Variants in YEATS2 observed in about 807,000 individuals in gnomAD.
YEATS2 encodes the protein YEATS domain-containing protein 2.
YEATS2 carries 77 observed loss-of-function variants against 163.2 expected under a neutral mutation model. The observed-to-expected ratio is 0.47, with a 90% confidence interval of 0.39 to 0.57. The LOEUF (loss-of-function observed/expected upper bound fraction) is 0.57, where lower values mean the gene tolerates loss of function less well. Among genes scored for constraint, YEATS2 ranks in the 20% least tolerant of loss-of-function variants. YEATS2 has a pLI of 0.00. For synonymous variants in YEATS2, 631 were observed against 645.1 expected (o/e 0.98, Z 0.33); for missense variants, 1,549 against 1,729.8 (o/e 0.90, Z 1.85).
intron 15 of YEATS2, among the ~76,000 whole-genome samples, chr3:183,770,930 T>C (rs1279009901): frequency 6.6e-6 from 1 of 152,282 alleles, no homozygotes; most frequent in Non-Finnish European, 1.5e-5. Flanking sequence ...AGAATGTTGT[T>C]GCATGCTGCA....
At chr3:183,779,534 C>T (rs1560306157) in intron 19 of YEATS2, among the ~76,000 whole-genome samples, 1 of 152,084 alleles carries the variant, frequency 6.6e-6, no homozygotes, top group Non-Finnish European at 1.5e-5. Flanking sequence ...TTTCAGCCCT[C>T]CAATATGTTT....
chr3:183,741,365 A>G (rs1341132721), intron 8 of YEATS2, among the ~76,000 whole-genome samples: 1 of 152,156 alleles, frequency 6.6e-6, no homozygotes, highest in Non-Finnish European at 1.5e-5. Context: ...CTGGGTGACA[A>G]CACATCTGTT....
intron 1 of YEATS2, among the ~76,000 whole-genome samples, chr3:183,707,631 G>A (rs1714745610): frequency 6.7e-6 from 1 of 150,342 alleles, no homozygotes; most frequent in Non-Finnish European, 1.5e-5. Flanking sequence ...ATGCCTGTCT[G>A]TATGGAAGCA....
chr3:183,742,456 G>A (rs959951519), intron 8 of YEATS2, among the ~76,000 whole-genome samples: 1 of 152,124 alleles, frequency 6.6e-6, no homozygotes, highest in African/African-American at 2.4e-5. Context: ...AGACTTCAGC[G>A]GAGGAATTAG....
intron 8 of YEATS2, among the ~76,000 whole-genome samples, chr3:183,737,659 T>C (rs1718487218): frequency 1.3e-5 from 2 of 152,242 alleles, no homozygotes; most frequent in Admixed American, 1.3e-4. Flanking sequence ...AATGATAAAG[T>C]ACTATACAAG....
At chr3:183,700,682 A>G (rs1192647772) in intron 1 of YEATS2, among the ~76,000 whole-genome samples, 11 of 125,478 alleles carry the variant, frequency 8.8e-5, no homozygotes, top group African/African-American at 3.1e-4. Flanking sequence ...GAGGCAGGGG[A>G]ATTGCTTGAA....
intron 23 of YEATS2, among the ~76,000 whole-genome samples, chr3:183,799,293 C>T (rs1032297929): frequency 6.6e-6 from 1 of 152,234 alleles, no homozygotes; most frequent in Non-Finnish European, 1.5e-5. Context: ...AGACATTTGG[C>T]CAGGGAAATG....
chr3:183,717,392 C>T (rs1245419993), intron 2 of YEATS2, among the ~76,000 whole-genome samples: 2 of 152,088 alleles, frequency 1.3e-5, no homozygotes, highest in Admixed American at 1.3e-4. Flanking sequence ...TCTAATCTTT[C>T]CTTGTGAGTA....
At chr3:183,717,102 AG>A (rs1715974872) in intron 2 of YEATS2, among the ~76,000 whole-genome samples, 1 of 152,024 alleles carries the variant, frequency 6.6e-6, no homozygotes, top group Non-Finnish European at 1.5e-5. Context: ...CATGTTGTCC[AG>A]GCTGGTCTCA....
At chr3:183,785,094 CTTTA>C (rs1174190157) in intron 19 of YEATS2, among the ~76,000 whole-genome samples, 6 of 151,710 alleles carry the variant, frequency 4.0e-5, no homozygotes, top group Non-Finnish European at 5.9e-5. Context: ...TTTGTTGAGC[CTTTA>C]TTTAGACTAC....
intron 7 of YEATS2, 60 bp from the exon 8 acceptor site, chr3:183,736,658 T>C (rs1223388563): frequency 2.3e-6 from 3 of 1,289,146 alleles, no homozygotes; most frequent in African/African-American, 1.5e-5. Flanking sequence ...CAGGAAACTT[T>C]TCCTGTGTAG....
At chr3:183,699,573 T>A (rs1713849512) in intron 1 of YEATS2, among the ~76,000 whole-genome samples, 1 of 150,268 alleles carries the variant, frequency 6.7e-6, no homozygotes, top group African/African-American at 2.5e-5. Context: ...TTGGGAGTGA[T>A]CTGTACGTAG....
rs898489431 is a variant in YEATS2, at chr3:183,709,802, G to A, written c.-19-5342G>A. On this transcript the variant is annotated intron_variant, in intron 1 of 30. Coordinates refer to ENST00000305135, the MANE Select transcript of YEATS2 (RefSeq NM_018023.5). ...ACGCCATTCTCCTGCCTTAGCCTCC[G>A]GAGTAGCTAGGACTACAGGTGCCCG... Among the ~76,000 whole-genome samples the A allele has an allele frequency of 4.0e-5, 6 of 150,576 alleles. No homozygotes were observed. In the Admixed American group the frequency reaches 4.0e-4, roughly 10 times the overall value.
chr3:183,807,737 T>A (rs1305117606), intron 28 of YEATS2: 5 of 317,512 alleles, frequency 1.6e-5, no homozygotes, highest in Non-Finnish European at 2.9e-5. Context: ...AAGTGTTGAT[T>A]GCGTATCAGA....
intron 8 of YEATS2, among the ~76,000 whole-genome samples, chr3:183,745,725 C>G (rs1010504185): frequency 6.6e-6 from 1 of 152,218 alleles, no homozygotes. Flanking sequence ...CATTTACTCT[C>G]TCCTTACCCA....
rs528321737 is a variant in YEATS2 at position 183,787,331 on chromosome 3, C to T, written c.2913+1030C>T. On this transcript the variant is annotated intron_variant, in intron 20 of 30. Transcript: ENST00000305135. ...CTACATTATTTTAGATTCTCACCAG[C>T]GATATACAAGGGTTCCAGTTTTTCC... Among the ~76,000 whole-genome samples the T allele has an allele frequency of 9.9e-4, 151 of 152,196 alleles. No homozygotes were observed. The Middle Eastern group carries it at 0.017, about 17-fold the overall frequency.
At chr3:183,727,984 G>C (rs932377442) in intron 6 of YEATS2, among the ~76,000 whole-genome samples, 4 of 151,582 alleles carry the variant, frequency 2.6e-5, no homozygotes, top group Non-Finnish European at 4.4e-5. Flanking sequence ...CGAATAAGGA[G>C]AACAACACAA....
intron 13 of YEATS2, among the ~76,000 whole-genome samples, chr3:183,759,425 A>T (rs972123218): frequency 1.3e-5 from 2 of 152,150 alleles, no homozygotes; most frequent in Non-Finnish European, 2.9e-5. Context: ...TTATTTGAAA[A>T]GTTTGTTAAA....
At chr3:183,701,608 G>A (rs897663608) in intron 1 of YEATS2, among the ~76,000 whole-genome samples, 3 of 151,380 alleles carry the variant, frequency 2.0e-5, no homozygotes, top group African/African-American at 7.3e-5. Flanking sequence ...TGTCCAGGCC[G>A]GTCTTAAACT....
Sources: gnomAD v4.1 joint callset for allele counts (sites outside exome capture counted in the v4.1 genomes callset) on GRCh38, gnomAD v4.1.1 for gene constraint, MANE v1.5 for transcripts, NCBI Gene and HGNC (gene_info 2026-07-23, HGNC 2026-07-21) for gene names.